LDLRAD3: variants seen among roughly 807,000 people sequenced by gnomAD.
LDLRAD3 encodes low-density lipoprotein receptor class A domain-containing protein 3.
Under a neutral mutation model 29.4 loss-of-function variants are expected in LDLRAD3, and 20 were observed. That is an observed-to-expected ratio of 0.68 (90% CI 0.48 to 0.99). LDLRAD3 has a LOEUF of 0.99. Ranked by LOEUF, LDLRAD3 falls within the 50% of genes least tolerant of loss-of-function variation. LDLRAD3 has a pLI of 0.00. For missense variants in LDLRAD3, 420 were observed against 454.3 expected, an observed-to-expected ratio of 0.92 and a Z score of 0.69; for synonymous variants, 157 against 192.7, an observed-to-expected ratio of 0.81 and a Z score of 1.53.
chr11:35,958,935 G>T (rs990280870), intron 1 of LDLRAD3, among the ~76,000 whole-genome samples: 1 of 152,180 alleles, frequency 6.6e-6, no homozygotes, highest in South Asian at 2.1e-4. Context: ...TGGAAACTTT[G>T]CAAGAAGGCT....
chr11:36,017,721 C>T (rs1402391751), intron 1 of LDLRAD3, among the ~76,000 whole-genome samples: 1 of 152,040 alleles, frequency 6.6e-6, no homozygotes, highest in Non-Finnish European at 1.5e-5. Context: ...GACGGGGTTT[C>T]ACCATGTTGG....
intron 4 of LDLRAD3, among the ~76,000 whole-genome samples, chr11:36,222,913 G>A (rs1855449182): frequency 1.3e-5 from 2 of 152,260 alleles, no homozygotes; most frequent in South Asian, 4.1e-4. Flanking sequence ...CCTGGAATTA[G>A]TACAGTCGAA....
intron 2 of LDLRAD3, among the ~76,000 whole-genome samples, chr11:36,045,388 T>C (rs573627430): frequency 2.6e-5 from 4 of 152,222 alleles, no homozygotes; most frequent in Admixed American, 2.6e-4. Flanking sequence ...ACAAACTGGG[T>C]GGCTTAGAAC....
At chr11:36,139,978 C>T (rs1854057874) in intron 4 of LDLRAD3, among the ~76,000 whole-genome samples, 1 of 152,192 alleles carries the variant, frequency 6.6e-6, no homozygotes, top group South Asian at 2.1e-4. Flanking sequence ...GTCAGCCTTA[C>T]ATGCTTGGAG....
At chr11:36,052,581 C>T (rs1590228151) in intron 2 of LDLRAD3, among the ~76,000 whole-genome samples, 1 of 152,174 alleles carries the variant, frequency 6.6e-6, no homozygotes, top group Admixed American at 6.5e-5. Context: ...ACAAGCTTGA[C>T]AGAGGCCAAC....
intron 2 of LDLRAD3, among the ~76,000 whole-genome samples, chr11:36,061,978 TA>T (rs571129020): frequency 0.11 from 15,582 of 143,760 alleles, 1,051 homozygotes; most frequent in Admixed American, 0.23. Flanking sequence ...TTTGGGAACT[TA>T]AAAAAAAAAA....
intron 1 of LDLRAD3, among the ~76,000 whole-genome samples, chr11:36,014,112 C>T (rs1271747399): frequency 6.6e-6 from 1 of 152,154 alleles, no homozygotes; most frequent in Non-Finnish European, 1.5e-5. Flanking sequence ...TGAGGTGTTC[C>T]TTCCACGCCT....
chr11:36,207,826 A>T (rs1855231642), intron 4 of LDLRAD3, among the ~76,000 whole-genome samples: 1 of 152,202 alleles, frequency 6.6e-6, no homozygotes, highest in South Asian at 2.1e-4. Flanking sequence ...ATCTGGAGCG[A>T]GGGCAGAGAG....
In LDLRAD3 at chr11:35,944,171, T is replaced by A; in HGVS notation, c.46+27T>A. 1.0e-6 allele frequency: 1 copy of A among 989,374 alleles called. No homozygotes were observed. Among genetic ancestry groups the A allele is most frequent in the Non-Finnish European group, 1.2e-6 (1 of 831,912 alleles). The allele number at this position is 989,374 out of a possible 1,614,324, so 61.3% of individuals were successfully genotyped here. A position where few individuals can be genotyped will look rare whatever the true frequency, so the allele number is the denominator to read the frequency against. On this transcript the variant is annotated intron_variant, in intron 1 of 5. Coordinates refer to ENST00000315571, the MANE Select transcript of LDLRAD3 (RefSeq NM_174902.4). The surrounding 1 kb of genome is among the most constrained non-coding windows in gnomAD (Gnocchi z 4.9). ...TGAGTCGGGGGGCGGCCGGCGAACT[T>A]CCCGCGGGGCGCGGGGCGCGGGGCG...
At position 36,188,789 on chromosome 11, in the gene LDLRAD3, A is replaced by C. The variant is rs1228510116; in HGVS notation, c.455-38296A>C. Among the ~76,000 whole-genome samples the C allele has an allele frequency of 2.0e-5, 3 of 152,256 alleles. No individual in the cohort carries two copies. The East Asian group carries it at 5.8e-4, about 29-fold the overall frequency. On this transcript the variant is annotated intron_variant, in intron 4 of 5. Coordinates refer to ENST00000315571, the MANE Select transcript of LDLRAD3 (RefSeq NM_174902.4). ...GGATTTAGCATAAGTCAACATAATG[A>C]ACATTGAAACTACTAGCCCTTTTCC...
chr11:36,087,160 G>C (rs1265504755), intron 3 of LDLRAD3, among the ~76,000 whole-genome samples: 1 of 152,000 alleles, frequency 6.6e-6, no homozygotes, highest in East Asian at 1.9e-4. Context: ...AGAGGAAAAG[G>C]GAACTTACAG....
chr11:36,038,529 A>C (rs577226882), intron 2 of LDLRAD3, among the ~76,000 whole-genome samples: 59 of 152,364 alleles, frequency 3.9e-4, no homozygotes, highest in African/African-American at 1.3e-3. Flanking sequence ...CAGCTTTGTC[A>C]ATAGCAGCTG....
At chr11:36,096,507 A>G (rs1234633580) in intron 3 of LDLRAD3, among the ~76,000 whole-genome samples, 1 of 152,188 alleles carries the variant, frequency 6.6e-6, no homozygotes, top group African/African-American at 2.4e-5. Context: ...ATCATTACAG[A>G]TGTTGCTCCT....
rs1426571675 is a variant in LDLRAD3 at position 35,944,065 on chromosome 11, A to C, written c.-34A>C. On this transcript the variant is annotated 5_prime_UTR_variant, in exon 1 of 6. Coordinates refer to ENST00000315571, the MANE Select transcript of LDLRAD3 (RefSeq NM_174902.4). This position sits in a 1 kb window ranked among gnomAD's most constrained non-coding sequence, Gnocchi z 4.9. ...TCAGCGCCGAGGCCGCGGGGGCAGC[A>C]ACGACGCCGGGCAGCGGGAGCGGCG... 13 of 1,076,286 alleles carry C rather than the reference A, an allele frequency of 1.2e-5. No individual in the cohort carries two copies. The highest frequency in any genetic ancestry group is 8.7e-5 in the South Asian group (2 of 22,958). 66.7% of individuals were successfully genotyped at this position (1,076,286 alleles called of 1,614,324 possible).
chr11:36,180,757 G>A (rs4755440), intron 4 of LDLRAD3, among the ~76,000 whole-genome samples: 111,893 of 151,314 alleles, frequency 0.74, 41,670 homozygotes, highest in South Asian at 0.82. Flanking sequence ...GGGTAGGTGG[G>A]GGTTGGGGGT....
At chr11:36,172,531 A>G (rs1854612238) in intron 4 of LDLRAD3, among the ~76,000 whole-genome samples, 2 of 151,994 alleles carry the variant, frequency 1.3e-5, no homozygotes, top group Admixed American at 6.6e-5. Flanking sequence ...GTTTTAATAA[A>G]AAAGGGATAC....
intron 4 of LDLRAD3, among the ~76,000 whole-genome samples, chr11:36,188,765 G>C (rs1020095485): frequency 1.3e-5 from 2 of 152,160 alleles, no homozygotes; most frequent in Non-Finnish European, 2.9e-5. Flanking sequence ...TGAAAACAGG[G>C]ATTTAGCATA....
At chr11:36,221,856 A>G (rs79411559) in intron 4 of LDLRAD3, among the ~76,000 whole-genome samples, 2 of 152,164 alleles carry the variant, frequency 1.3e-5, no homozygotes, top group Admixed American at 1.3e-4. Flanking sequence ...GATATATTCT[A>G]TACATTCTCT....
chr11:36,025,003 T>A (rs1852144924), intron 1 of LDLRAD3, among the ~76,000 whole-genome samples: 1 of 152,220 alleles, frequency 6.6e-6, no homozygotes, highest in Non-Finnish European at 1.5e-5. Context: ...TAACATTTAT[T>A]TTTTCCTCCA....
Sources: gnomAD v4.1 joint callset for allele counts (sites outside exome capture counted in the v4.1 genomes callset) on GRCh38, gnomAD v4.1.1 for gene constraint, Gnocchi (gnomAD v3.1) non-coding constraint, MANE v1.5 for transcripts, NCBI Gene and HGNC (gene_info 2026-07-23, HGNC 2026-07-21) for gene names.